The following EPHA6 variants were observed in gnomAD, a reference collection of about 807,000 sequenced individuals.
The protein encoded by EPHA6 is EPH receptor A6, also known as ephrin type-A receptor 6.
Under a neutral mutation model 112.0 loss-of-function variants are expected in EPHA6, and 50 were observed. The observed-to-expected ratio is 0.45, with a 90% CI of 0.36 to 0.56. The LOEUF (loss-of-function observed/expected upper bound fraction) is 0.56, where lower values mean the gene tolerates loss of function less well. Among genes scored for constraint, EPHA6 ranks in the 20% least tolerant of loss-of-function variants. The probability of loss-of-function intolerance (pLI) is 0.00; values close to 1 mark genes in which losing one functional copy is unlikely to be tolerated. For synonymous variants in EPHA6, 529 were observed against 490.7 expected (o/e 1.08, Z -1.03); for missense variants, 1,280 against 1,417.4 (o/e 0.90, Z 1.56).
chr3:97,421,557 C>A (rs564488437), intron 6 of EPHA6, among the ~76,000 whole-genome samples: 1 of 152,012 alleles, frequency 6.6e-6, no homozygotes, highest in African/African-American at 2.4e-5. Context: ...CAATTTTACC[C>A]CAAATGATGT....
chr3:96,935,965 A>G (rs1470046551), intron 2 of EPHA6, among the ~76,000 whole-genome samples: 1 of 151,946 alleles, frequency 6.6e-6, no homozygotes, highest in Non-Finnish European at 1.5e-5. Context: ...AACAGTATGG[A>G]ACAAACCTCC....
intron 7 of EPHA6, chr3:97,466,415 A>ATT (rs2091056729): frequency 8.7e-6 from 14 of 1,603,064 alleles, no homozygotes; most frequent in Non-Finnish European, 1.2e-5. Flanking sequence ...ATTATATTCC[A>ATT]TAGGACTCTC....
chr3:97,074,409 C>G (rs2046452833), intron 3 of EPHA6, among the ~76,000 whole-genome samples: 1 of 151,798 alleles, frequency 6.6e-6, no homozygotes, highest in African/African-American at 2.4e-5. Flanking sequence ...TTTCTTTTCC[C>G]ATACCTTAAG....
chr3:97,354,951 C>A (rs1324910804), intron 5 of EPHA6, among the ~76,000 whole-genome samples: 1 of 151,982 alleles, frequency 6.6e-6, no homozygotes, highest in Non-Finnish European at 1.5e-5. Context: ...GAGTGGATGA[C>A]ATATTTAAAG....
At chr3:97,116,157 A>T (rs2047880588) in intron 3 of EPHA6, among the ~76,000 whole-genome samples, 1 of 151,768 alleles carries the variant, frequency 6.6e-6, no homozygotes, top group East Asian at 1.9e-4. Context: ...ACACTGGCTA[A>T]TCCTAAATAT....
At chr3:97,090,914 C>A (rs374265515) in intron 3 of EPHA6, among the ~76,000 whole-genome samples, 1 of 151,938 alleles carries the variant, frequency 6.6e-6, no homozygotes, top group South Asian at 2.1e-4. Context: ...GAAAAATTTA[C>A]GAATATATGT....
intron 14 of EPHA6, among the ~76,000 whole-genome samples, chr3:97,702,946 A>G (rs1354490413): frequency 6.6e-6 from 1 of 152,190 alleles, no homozygotes; most frequent in Non-Finnish European, 1.5e-5. Context: ...ACTAAATGTA[A>G]GAAGTCTCCG....
At chr3:97,098,876 A>G (rs980915595) in intron 3 of EPHA6, among the ~76,000 whole-genome samples, 3 of 151,940 alleles carry the variant, frequency 2.0e-5, no homozygotes, top group African/African-American at 7.2e-5. Flanking sequence ...TTCTGCTGTC[A>G]GCACTGCTAT....
chr3:97,363,513 T>A (rs1425778604), intron 5 of EPHA6, among the ~76,000 whole-genome samples: 2 of 151,822 alleles, frequency 1.3e-5, no homozygotes, highest in Non-Finnish European at 2.9e-5. Context: ...AGTGGCATGC[T>A]AATTTGCTTT....
intron 11 of EPHA6, among the ~76,000 whole-genome samples, chr3:97,547,564 C>T (rs1335119144): frequency 1.3e-5 from 2 of 152,150 alleles, no homozygotes; most frequent in East Asian, 1.9e-4. Context: ...AAGCTGCGTG[C>T]TGGGAGAACC....
intron 2 of EPHA6, among the ~76,000 whole-genome samples, chr3:96,868,654 TCA>T (rs2036463293): frequency 6.6e-6 from 1 of 151,950 alleles, no homozygotes; most frequent in African/African-American, 2.4e-5. Flanking sequence ...TACAAATATG[TCA>T]TGGGTGGAAG....
intron 3 of EPHA6, among the ~76,000 whole-genome samples, chr3:97,056,071 A>G (rs943980914): frequency 3.3e-5 from 5 of 152,134 alleles, no homozygotes; most frequent in Non-Finnish European, 2.9e-5. Flanking sequence ...TAACCAGAAT[A>G]CCATCATTCC....
intron 14 of EPHA6, among the ~76,000 whole-genome samples, chr3:97,692,061 T>C (rs113762399): frequency 0.016 from 2,373 of 152,298 alleles, 54 homozygotes; most frequent in African/African-American, 0.054. Flanking sequence ...GAAGCTTTCA[T>C]AGTGATCATG....
rs1023559192 is a variant in EPHA6, at chr3:97,475,291, A to G, written c.1895-61A>G. The G allele has an allele frequency of 1.1e-5, 14 of 1,225,472 alleles. No homozygotes were observed. The African/African-American group carries it at 2.0e-4, about 17-fold the overall frequency. 75.9% of individuals were successfully genotyped at this position (1,225,472 alleles called of 1,614,324 possible). A position where few individuals can be genotyped will look rare whatever the true frequency, so the allele number is the denominator to read the frequency against. On this transcript the variant is annotated intron_variant, in intron 7 of 17. Coordinates refer to ENST00000389672, the MANE Select transcript of EPHA6 (RefSeq NM_001080448.3). ...TATTTTCTAGTGTAAACTAAATTGT[A>G]AAATGGTTTTAATAGTGAAATGTCA...
chr3:96,954,781 T>A (rs2041691268), intron 2 of EPHA6, among the ~76,000 whole-genome samples: 2 of 86,686 alleles, frequency 2.3e-5, no homozygotes, highest in Non-Finnish European at 4.0e-5. Context: ...GCCTTTTTTT[T>A]TTTTTTTTTT....
chr3:97,099,355 A>G (rs1256951068), intron 3 of EPHA6, among the ~76,000 whole-genome samples: 1 of 151,904 alleles, frequency 6.6e-6, no homozygotes, highest in East Asian at 1.9e-4. Flanking sequence ...TGTCTTTAAG[A>G]ACTGATTTTG....
chr3:97,610,696 T>C (rs1240822456), intron 12 of EPHA6, 97 bp from the exon 13 acceptor site: 2 of 920,444 alleles, frequency 2.2e-6, no homozygotes, highest in Non-Finnish European at 3.5e-6. Flanking sequence ...ATTAATAAAA[T>C]ACAAATAATT....
chr3:97,209,492 CT>C (rs1279596607), intron 3 of EPHA6, among the ~76,000 whole-genome samples: 1 of 152,088 alleles, frequency 6.6e-6, no homozygotes, highest in African/African-American at 2.4e-5. Flanking sequence ...ACATCATTGG[CT>C]TTTTGTAAGA....
chr3:97,647,442 T>A (rs913349580), intron 14 of EPHA6, among the ~76,000 whole-genome samples: 3 of 152,100 alleles, frequency 2.0e-5, no homozygotes, highest in Non-Finnish European at 1.5e-5. Flanking sequence ...CTTTAAGATC[T>A]GATAATGGCA....
Sources: gnomAD v4.1 joint callset for allele counts (sites outside exome capture counted in the v4.1 genomes callset) on GRCh38, gnomAD v4.1.1 for gene constraint, MANE v1.5 for transcripts, NCBI Gene and HGNC (gene_info 2026-07-23, HGNC 2026-07-21) for gene names.